URI1: variants seen among roughly 807,000 people sequenced by gnomAD.
URI1 encodes the protein URI1 prefoldin like chaperone.
Under a neutral mutation model 60.2 loss-of-function variants are expected in URI1, and 39 were observed. That is an observed-to-expected ratio of 0.65 (90% CI 0.50 to 0.85). The LOEUF (loss-of-function observed/expected upper bound fraction) is 0.85. Among genes scored for constraint, URI1 ranks in the 40% least tolerant of loss-of-function variants. The pLI, the probability that URI1 is intolerant of heterozygous loss-of-function variation, is 0.00. For missense variants in URI1, 691 were observed against 665.9 expected (o/e 1.04, Z -0.42); for synonymous variants, 251 against 236.8 (o/e 1.06, Z -0.55).
intron 1 of URI1, among the ~76,000 whole-genome samples, chr19:29,963,497 T>C (rs2145300633): frequency 6.6e-6 from 1 of 152,338 alleles, no homozygotes; most frequent in African/African-American, 2.4e-5. Flanking sequence ...ATATTCCTTT[T>C]ATCTTTTCCT....
In URI1 at chr19:29,997,858, G is replaced by A. The variant is rs1160160094; in HGVS notation, c.368-7503G>A. Among the ~76,000 whole-genome samples, 5 of 151,974 alleles carry A rather than the reference G, an allele frequency of 3.3e-5. No individual in the cohort carries two copies. In the South Asian group the frequency reaches 6.2e-4, roughly 19 times the overall value. On this transcript the variant is annotated intron_variant, in intron 4 of 10. Transcript: ENST00000392271. ...CGGCTCACTGTAACTTCCATCTCCC[G>A]CGTTGAAGGGATTCTTCTGCCTCAG...
intron 1 of URI1, chr19:29,957,901 T>G (rs967946043): frequency 6.6e-6 from 1 of 152,006 alleles, no homozygotes; most frequent in African/African-American, 2.4e-5. Flanking sequence ...ATTTTTTTTT[T>G]TTTTTTTGCT....
intron 1 of URI1, among the ~76,000 whole-genome samples, chr19:29,935,700 C>CTTTTT (rs34820413): frequency 1.4e-4 from 19 of 131,866 alleles, no homozygotes; most frequent in African/African-American, 4.1e-4. Context: ...GGTTGACAGT[C>CTTTTT]TTTTTTTTTT....
At position 29,949,047 on chromosome 19, in the gene URI1, C is replaced by T. The variant is rs1031821259; in HGVS notation, c.117+6383C>T. 1.1e-4 allele frequency among the ~76,000 whole-genome samples: 16 copies of T among 145,910 alleles called. No homozygotes were observed. The East Asian group carries it at 2.2e-3, about 20-fold the overall frequency. On this transcript the variant is annotated intron_variant, in intron 1 of 10. Coordinates refer to ENST00000392271, the MANE Select transcript of URI1 (RefSeq NM_003796.3). Reference sequence around the variant, plus strand: ...CTCCCGGACGGGGCAGCTGGCCGGGCGGGGGCTGCCCCCCGCCTCCCGGAC... The same window carrying T: ...CTCCCGGACGGGGCAGCTGGCCGGGTGGGGGCTGCCCCCCGCCTCCCGGAC...
At chr19:29,954,765 GCCTCAGCCTCC>G (rs1262992600) in intron 1 of URI1, among the ~76,000 whole-genome samples, 1 of 151,900 alleles carries the variant, frequency 6.6e-6, no homozygotes, top group Non-Finnish European at 1.5e-5. Flanking sequence ...TGATCTGCCC[GCCTCAGCCTCC>G]CAAAGTGCTA....
chr19:29,986,889 T>G (rs2145377033), intron 4 of URI1, among the ~76,000 whole-genome samples: 1 of 152,324 alleles, frequency 6.6e-6, no homozygotes, highest in African/African-American at 2.4e-5. Context: ...CATATTTTCA[T>G]TTGATAGAGG....
chr19:29,953,500 A>T (rs1246418569), intron 1 of URI1, among the ~76,000 whole-genome samples: 1 of 152,198 alleles, frequency 6.6e-6, no homozygotes, highest in Non-Finnish European at 1.5e-5. Context: ...AACAATCTGA[A>T]TTCTCAACTG....
intron 9 of URI1, 75 bp downstream of exon 9, chr19:30,011,311 A>C: frequency 6.6e-7 from 1 of 1,509,256 alleles, no homozygotes; most frequent in Non-Finnish European, 8.8e-7. Flanking sequence ...TTACTGGAGA[A>C]AGTTGACTGT....
chr19:29,942,971 T>C lies in URI1; in HGVS notation c.117+307T>C, dbSNP rs951551693. ...ACGGAAGCGTTCGCCTTAATATTTGTAGCTTGTAATGACCTAAACATTGCT... is the reference window on the plus strand; with the variant it reads ...ACGGAAGCGTTCGCCTTAATATTTGCAGCTTGTAATGACCTAAACATTGCT... On this transcript the variant is annotated intron_variant, in intron 1 of 10. Coordinates refer to ENST00000392271, the MANE Select transcript of URI1 (RefSeq NM_003796.3). Among the ~76,000 whole-genome samples the C allele has an allele frequency of 2.0e-4, 30 of 152,356 alleles. No homozygotes were observed. In the East Asian group the frequency reaches 5.6e-3, roughly 28 times the overall value.
rs144317191 is a variant in URI1 at position 30,015,318 on chromosome 19, G to A, written c.*249G>A. On this transcript the variant is annotated 3_prime_UTR_variant, in exon 11 of 11. Coordinates refer to ENST00000392271, the MANE Select transcript of URI1 (RefSeq NM_003796.3). ...TCTTATCTAAGTTTGCCTTTATGAT[G>A]CAGTGGCAGCATTTTGAATTACTTT... is the stretch of plus-strand genomic sequence containing the variant. 217 of 1,413,758 alleles carry A rather than the reference G, an allele frequency of 1.5e-4. No individual in the cohort carries two copies. In the African/African-American group the frequency reaches 2.8e-3, roughly 18 times the overall value. The allele number at this position is 1,413,758 out of a possible 1,614,324, so 87.6% of individuals were successfully genotyped here. A position where few individuals can be genotyped will look rare whatever the true frequency, so the allele number is the denominator to read the frequency against.
chr19:29,985,091 G>C (rs2055646912), intron 2 of URI1, 132 bp from the exon 3 acceptor site: 1 of 786,434 alleles, frequency 1.3e-6, no homozygotes, highest in African/African-American at 2.1e-5. Context: ...CTGCACTTTA[G>C]CCTGGGCGAC....
intron 1 of URI1, among the ~76,000 whole-genome samples, chr19:29,962,347 T>A (rs2145296266): frequency 6.6e-6 from 1 of 151,438 alleles, no homozygotes; most frequent in South Asian, 2.1e-4. Flanking sequence ...TATTTTTTAC[T>A]ACTTTTATAC....
upstream of URI1, among the ~76,000 whole-genome samples, chr19:29,939,672 C>T (rs532119217): frequency 6.6e-6 from 1 of 152,264 alleles, no homozygotes; most frequent in South Asian, 2.1e-4. Flanking sequence ...CTTTTGTGGA[C>T]AGGAGATCAA....
Position 30,009,174 on chromosome 19 carries a change from T to C in URI1, c.856T>C (p.Leu286=). 1 of 1,613,968 alleles carries C rather than the reference T, an allele frequency of 6.2e-7. No homozygotes were observed. The highest frequency in any genetic ancestry group is 1.6e-4 in the Middle Eastern group (1 of 6,062). The change falls in exon 8 of 11, where the codon TTG becomes CTG. Residue 286 remains leucine, a synonymous_variant. Transcript: ENST00000392271. ...EPFSGQVNSQ[L]NCSVNGSSSY... The stretch of plus-strand genomic sequence containing the variant: ...ATTCAGTGGTCAAGTGAATAGTCAG[T>C]TGAACTGTTCAGTGAATGGTTCCAG...
At chr19:29,923,798 G>A in intron 1 of URI1, 2 of 1,522,808 alleles carry the variant, frequency 1.3e-6, no homozygotes, top group South Asian at 1.2e-5. Flanking sequence ...TGCTGTTAGT[G>A]TGAGGTTTGA....
chr19:29,986,001 A>T lies in URI1; in HGVS notation c.232-281A>T, dbSNP rs193115815. On this transcript the variant is annotated intron_variant, in intron 3 of 10. Coordinates refer to ENST00000392271, the MANE Select transcript of URI1 (RefSeq NM_003796.3). ...TTGCAAGTGAATGAAAAGTATAAAC[A>T]TGCCGAGACAGTACTACTTTCTTTA... Among the ~76,000 whole-genome samples, 449 of 152,356 alleles carry T rather than the reference A, an allele frequency of 2.9e-3. 1 individual carries two copies. Among genetic ancestry groups the T allele is most frequent in the Non-Finnish European group, 5.3e-3 (361 of 68,026 alleles).
At position 30,006,888 on chromosome 19, in the gene URI1, G is replaced by A. The variant is rs186510518; in HGVS notation, c.518-582G>A. ...TCCTCACATGAAGATTACAAATGAA[G>A]CAGTTTAAAAAGTAGAGATGTTCAT... On this transcript the variant is annotated intron_variant, in intron 6 of 10. Coordinates refer to ENST00000392271, the MANE Select transcript of URI1 (RefSeq NM_003796.3). 1.0e-3 allele frequency among the ~76,000 whole-genome samples: 156 copies of A among 152,156 alleles called. 3 individuals are homozygous for A. The highest frequency in any genetic ancestry group is 3.7e-3 in the African/African-American group (154 of 41,514).
chr19:29,976,591 A>G (rs1599692800), intron 2 of URI1, among the ~76,000 whole-genome samples: 1 of 152,334 alleles, frequency 6.6e-6, no homozygotes, highest in Non-Finnish European at 1.5e-5. Context: ...AAAAGAATTA[A>G]TGGTCATTTT....
At chr19:29,976,304 GTTC>G (rs2055522228) in intron 2 of URI1, among the ~76,000 whole-genome samples, 6 of 152,168 alleles carry the variant, frequency 3.9e-5, no homozygotes, top group Non-Finnish European at 1.5e-5. Flanking sequence ...CACCTGTGTG[GTTC>G]TTCTGCTAGT....
Sources: allele counts gnomAD v4.1 joint callset (sites outside exome capture counted in the v4.1 genomes callset), GRCh38; gene constraint gnomAD v4.1.1; transcripts MANE v1.5; gene names NCBI Gene and HGNC (gene_info 2026-07-23, HGNC 2026-07-21).